MON2: variants seen among roughly 807,000 people sequenced by gnomAD.
The protein encoded by MON2 is protein MON2 homolog.
In MON2, 84 loss-of-function variants were observed where a neutral mutation model predicts 208.6. That is an observed-to-expected ratio of 0.40 (90% CI 0.34 to 0.48). The LOEUF is 0.48. Among genes scored for constraint, MON2 ranks in the 20% least tolerant of loss-of-function variants. MON2 has a pLI of 0.59. For missense variants in MON2, 1,611 were observed against 2,015.4 expected (o/e 0.80, Z 3.84); for synonymous variants, 660 against 694.0 (o/e 0.95, Z 0.77).
At chr12:62,477,777 T>G (rs2069176028) in intron 1 of MON2, among the ~76,000 whole-genome samples, 1 of 152,150 alleles carries the variant, frequency 6.6e-6, no homozygotes, top group African/African-American at 2.4e-5. Flanking sequence ...CCTGCGCAAG[T>G]TACATAATGC....
chr12:62,466,958 T>G lies in MON2; in HGVS notation c.-250T>G. Reference sequence around the variant, plus strand: ...GAGGGACCTGCCCGCCTTGTGGGTTTCTCGGCCAGAGTCGGCGGAGCCTAG... The same window carrying G: ...GAGGGACCTGCCCGCCTTGTGGGTTGCTCGGCCAGAGTCGGCGGAGCCTAG... On this transcript the variant is annotated 5_prime_UTR_variant, in exon 1 of 35. Transcript: ENST00000393630. The G allele has an allele frequency of 5.9e-6, 3 of 509,122 alleles. No homozygotes were observed. The highest frequency in any genetic ancestry group is 1.0e-5 in the Non-Finnish European group (3 of 286,800). The allele number at this position is 509,122 out of a possible 1,614,324, so 31.5% of individuals were successfully genotyped here. A position where few individuals can be genotyped will look rare whatever the true frequency, so the allele number is the denominator to read the frequency against.
At chr12:62,528,705 A>G (rs1165696869) in intron 11 of MON2, among the ~76,000 whole-genome samples, 2 of 152,200 alleles carry the variant, frequency 1.3e-5, no homozygotes, top group East Asian at 3.8e-4. Context: ...TTCCCAATAG[A>G]TCACATATTC....
At chr12:62,483,552 C>T (rs1431895339) in intron 1 of MON2, among the ~76,000 whole-genome samples, 2 of 152,086 alleles carry the variant, frequency 1.3e-5, no homozygotes, top group Non-Finnish European at 2.9e-5. Flanking sequence ...AAACACTCTA[C>T]TAAAAATACA....
At chr12:62,523,903 G>A (rs1203622237) in intron 8 of MON2, among the ~76,000 whole-genome samples, 1 of 151,976 alleles carries the variant, frequency 6.6e-6, no homozygotes, top group Non-Finnish European at 1.5e-5. Flanking sequence ...TAATGCCTTG[G>A]GTGTGCCTTG....
At chr12:62,484,148 C>CTAA (rs1167525538) in intron 1 of MON2, 22 bp from the exon 2 acceptor site, 1 of 1,546,626 alleles carries the variant, frequency 6.5e-7, no homozygotes, top group East Asian at 2.3e-5. Flanking sequence ...ATTTTGTGTT[C>CTAA]TAATTATTTT....
chr12:62,539,557 G>A (rs144260705), intron 19 of MON2, among the ~76,000 whole-genome samples: 329 of 151,870 alleles, frequency 2.2e-3, no homozygotes, highest in Middle Eastern at 6.8e-3. Context: ...ATGAGCCACC[G>A]CGCCCGGCCA....
Position 62,532,592 on chromosome 12 carries a change from GA to G in MON2, c.1557del (p.Glu520LysfsTer35). On this transcript the variant is annotated frameshift_variant, in exon 12 of 35. Transcript: ENST00000393630. LOFTEE classifies it high-confidence loss of function. ...ELETECQTTTEEGSSPTQSTE... is the reference protein window; with the variant it reads ...ELETECQTTTXEGSSPTQSTE... ...TGAAACAGAATGTCAAACCACCACT[GA>G]AGAAGGTTCTTCACCAACACAGTCG... 6.2e-7 allele frequency: 1 copy of G among 1,613,976 alleles called. No individual in the cohort carries two copies.
intron 7 of MON2, 123 bp from the exon 8 acceptor site, chr12:62,508,163 G>A (rs1431040288): frequency 2.8e-6 from 2 of 709,254 alleles, no homozygotes; most frequent in East Asian, 5.4e-5. Context: ...TAAACTTATA[G>A]TAAAGCTAAA....
intron 1 of MON2, among the ~76,000 whole-genome samples, chr12:62,468,377 G>A (rs1336878997): frequency 6.6e-6 from 1 of 152,030 alleles, no homozygotes; most frequent in Non-Finnish European, 1.5e-5. Context: ...TGTTTTACCT[G>A]CAATTTCATT....
chr12:62,569,820 G>A (rs1335051963), intron 29 of MON2, among the ~76,000 whole-genome samples: 2 of 152,020 alleles, frequency 1.3e-5, no homozygotes, highest in Non-Finnish European at 2.9e-5. Flanking sequence ...ATAGATTCTG[G>A]GTGTGCTAAT....
At position 62,514,543 on chromosome 12, in the gene MON2, T is replaced by C. The variant is rs141678665; in HGVS notation, c.984+6063T>C. ...CAGAGAAACTCCCTTTTTAAAACCATCAGATCTCATGAGATTTATTCACTA... is the reference window on the plus strand; with the variant it reads ...CAGAGAAACTCCCTTTTTAAAACCACCAGATCTCATGAGATTTATTCACTA... On this transcript the variant is annotated intron_variant, in intron 8 of 34. Coordinates refer to ENST00000393630, the MANE Select transcript of MON2 (RefSeq NM_015026.3). 2.6e-3 allele frequency among the ~76,000 whole-genome samples: 393 copies of C among 152,232 alleles called. 2 individuals are homozygous for C. The highest frequency in any genetic ancestry group is 8.9e-3 in the African/African-American group (369 of 41,524).
rs1350426804 is a variant in MON2 at position 62,599,614 on chromosome 12, C to T, written c.*6865C>T. 6.6e-6 allele frequency: 1 copy of T among 152,098 alleles called. No individual in the cohort carries two copies. Among genetic ancestry groups the T allele is most frequent in the African/African-American group, 2.4e-5 (1 of 41,418 alleles). 9.4% of individuals were successfully genotyped at this position (152,098 alleles called of 1,614,324 possible). A position where few individuals can be genotyped will look rare whatever the true frequency, so the allele number is the denominator to read the frequency against. On this transcript the variant is annotated 3_prime_UTR_variant, in exon 35 of 35. Coordinates refer to ENST00000393630, the MANE Select transcript of MON2 (RefSeq NM_015026.3). ...AGTAGCCTTGCAAAGAAGTTATTTT[C>T]ATTTTACAGAAGAGTCAAGGATTAG...
At chr12:62,585,067 A>G (rs1227495822) in intron 32 of MON2, among the ~76,000 whole-genome samples, 1 of 1,090 alleles carries the variant, frequency 9.2e-4, no homozygotes, top group Non-Finnish European at 1.9e-3. Flanking sequence ...CTCTACATGC[A>G]CACACACACA....
At position 62,504,376 on chromosome 12, in the gene MON2, T is replaced by C. The variant is rs555877611; in HGVS notation, c.789+2678T>C. On this transcript the variant is annotated intron_variant, in intron 7 of 34. Transcript: ENST00000393630. The stretch of plus-strand genomic sequence containing the variant: ...TCTCCTGCCTCAGCCTCCCGAGTAG[T>C]TGGGACCACAGGTGCCCGCCACCAC... 4.8e-4 allele frequency among the ~76,000 whole-genome samples: 73 copies of C among 151,544 alleles called. 1 individual carries two copies. The highest frequency in any genetic ancestry group is 8.3e-4 in the Non-Finnish European group (56 of 67,804).
chr12:62,481,037 T>C (rs2069396142), intron 1 of MON2, among the ~76,000 whole-genome samples: 1 of 152,204 alleles, frequency 6.6e-6, no homozygotes, highest in African/African-American at 2.4e-5. Flanking sequence ...CATAATAATT[T>C]CAGTGTTCTA....
At chr12:62,581,295 C>T (rs1471002918) in intron 32 of MON2, among the ~76,000 whole-genome samples, 1 of 152,178 alleles carries the variant, frequency 6.6e-6, no homozygotes, top group Non-Finnish European at 1.5e-5. Flanking sequence ...TCCTAGTGTT[C>T]TGGGATCGCT....
At chr12:62,579,885 G>A (rs2074939919) in intron 31 of MON2, among the ~76,000 whole-genome samples, 2 of 152,182 alleles carry the variant, frequency 1.3e-5, no homozygotes, top group South Asian at 4.1e-4. Flanking sequence ...TGACAAAAAT[G>A]AATATAACTT....
chr12:62,519,173 C>T (rs1047130943), intron 8 of MON2, among the ~76,000 whole-genome samples: 3 of 152,128 alleles, frequency 2.0e-5, no homozygotes, highest in Non-Finnish European at 2.9e-5. Flanking sequence ...AACACCCCGA[C>T]GGGTCACAGA....
intron 20 of MON2, 104 bp from the exon 21 acceptor site, chr12:62,544,794 A>C: frequency 6.5e-7 from 1 of 1,544,380 alleles, no homozygotes; most frequent in Non-Finnish European, 8.8e-7. Context: ...TTTTGGGTGT[A>C]ATTTTTCTTC....
Sources: gnomAD v4.1 joint callset for allele counts (sites outside exome capture counted in the v4.1 genomes callset) on GRCh38, gnomAD v4.1.1 for gene constraint, MANE v1.5 for transcripts, NCBI Gene and HGNC (gene_info 2026-07-23, HGNC 2026-07-21) for gene names.